ATP5MG: variants seen among roughly 807,000 people sequenced by gnomAD.
ATP5MG encodes ATP synthase membrane subunit g.
In ATP5MG, 7 loss-of-function variants were observed where a neutral mutation model predicts 12.7. That is an observed-to-expected ratio of 0.55 (90% confidence interval 0.31 to 1.04). The LOEUF (loss-of-function observed/expected upper bound fraction) is 1.04, where lower values mean the gene tolerates loss of function less well. Ranked by LOEUF, ATP5MG falls within the 50% of genes least tolerant of loss-of-function variation. ATP5MG has a pLI of 0.05. For synonymous variants in ATP5MG, 53 were observed against 48.2 expected (o/e 1.10, Z -0.41); for missense variants, 116 against 126.7 (o/e 0.92, Z 0.41).
chr11:118,406,231 C>T (rs1200231961), intron 1 of ATP5MG: 5 of 152,228 alleles, frequency 3.3e-5, no homozygotes, highest in African/African-American at 1.2e-4. Flanking sequence ...TCACAACTAC[C>T]CTGGTTGTTA....
intron 1 of ATP5MG, 81 bp from the exon 2 acceptor site, chr11:118,406,856 G>T (rs1305032793): frequency 6.6e-7 from 1 of 1,520,542 alleles, no homozygotes; most frequent in South Asian, 1.2e-5. Context: ...ATAAATATTT[G>T]TGTCCAGCCC....
intron 1 of ATP5MG, chr11:118,405,614 C>T (rs1948965791): frequency 2.1e-6 from 2 of 969,172 alleles, no homozygotes; most frequent in Non-Finnish European, 2.5e-6. Flanking sequence ...AATTGATTGA[C>T]TTATACAAGA....
At chr11:118,404,761 C>G (rs1453854229) in intron 1 of ATP5MG, among the ~76,000 whole-genome samples, 1 of 152,176 alleles carries the variant, frequency 6.6e-6, no homozygotes, top group Non-Finnish European at 1.5e-5. Flanking sequence ...CTAAGCCTAT[C>G]CCATAAAGGC....
intron 1 of ATP5MG, 152 bp downstream of exon 1, chr11:118,401,869 G>A: frequency 1.1e-6 from 1 of 895,020 alleles, no homozygotes; most frequent in Non-Finnish European, 1.7e-6. Flanking sequence ...AAGCAGGTTG[G>A]CGACTCTTTT....
In ATP5MG at chr11:118,409,182, A is replaced by C. The variant is rs1440030655; in HGVS notation, c.*84A>C. 1.8e-5 allele frequency: 16 copies of C among 897,516 alleles called. No homozygotes were observed. Among genetic ancestry groups the C allele is most frequent in the Non-Finnish European group, 2.5e-5 (16 of 631,062 alleles). The allele number at this position is 897,516 out of a possible 1,614,324, so 55.6% of individuals were successfully genotyped here. A position where few individuals can be genotyped will look rare whatever the true frequency, so the allele number is the denominator to read the frequency against. ...GTGTGATCAGACTGCTATCTGAATA[A>C]AATAAGATTTGTCAAAACTCAGTGT... On this transcript the variant is annotated 3_prime_UTR_variant, in exon 3 of 3. Transcript: ENST00000300688.
chr11:118,409,140 G>T lies in ATP5MG; in HGVS notation c.*42G>T. 2.1e-6 allele frequency: 3 copies of T among 1,414,592 alleles called. No individual in the cohort carries two copies. Among genetic ancestry groups the T allele is most frequent in the Non-Finnish European group, 2.9e-6 (3 of 1,026,156 alleles). The allele number at this position is 1,414,592 out of a possible 1,614,324, so 87.6% of individuals were successfully genotyped here. ...TCTGATTATATTTGATTTATTATTT[G>T]AGTGTTGTTGGACCATGTGTGATCA... On this transcript the variant is annotated 3_prime_UTR_variant, in exon 3 of 3. Transcript: ENST00000300688.
intron 1 of ATP5MG, 25 bp downstream of exon 1, chr11:118,401,742 G>A: frequency 1.9e-6 from 3 of 1,606,750 alleles, no homozygotes; most frequent in Non-Finnish European, 2.6e-6. Context: ...AGACCGCCGA[G>A]GCGGGCACAC....
At chr11:118,405,467 A>G (rs1326823894) in intron 1 of ATP5MG, among the ~76,000 whole-genome samples, 2 of 152,156 alleles carry the variant, frequency 1.3e-5, no homozygotes, top group Non-Finnish European at 2.9e-5. Context: ...TCTCTTGTAT[A>G]CATGTAAAGC....
Position 118,401,618 on chromosome 11 carries a change from T to C in ATP5MG, c.-48T>C, listed in dbSNP as rs782093971. Reference sequence around the variant, plus strand: ...TCCTGCAGCGGGTCCTTCCGGCGGGTGACATTCAGCCGGCGGTTCGGGGCG... The same window carrying C: ...TCCTGCAGCGGGTCCTTCCGGCGGGCGACATTCAGCCGGCGGTTCGGGGCG... On this transcript the variant is annotated 5_prime_UTR_variant, in exon 1 of 3. Coordinates refer to ENST00000300688, the MANE Select transcript of ATP5MG (RefSeq NM_006476.5). The C allele has an allele frequency of 1.9e-6, 3 of 1,606,792 alleles. No individual in the cohort carries two copies. The highest frequency in any genetic ancestry group is 2.5e-6 in the Non-Finnish European group (3 of 1,176,502).
At chr11:118,407,277 A>T in intron 2 of ATP5MG, 180 bp downstream of exon 2, 4 of 921,490 alleles carry the variant, frequency 4.3e-6, no homozygotes, top group Non-Finnish European at 6.3e-6. Flanking sequence ...CTGGGTAGAA[A>T]TAATTAGCCC....
intron 1 of ATP5MG, among the ~76,000 whole-genome samples, chr11:118,402,594 A>G (rs942120661): frequency 2.0e-5 from 3 of 152,078 alleles, no homozygotes; most frequent in African/African-American, 7.2e-5. Context: ...GCCTACGTTT[A>G]TGAAATGTGA....
chr11:118,408,823 A>G lies in ATP5MG; in HGVS notation c.214-177A>G, dbSNP rs1239841693. Among the ~76,000 whole-genome samples the G allele has an allele frequency of 2.6e-5, 4 of 152,016 alleles. No individual in the cohort carries two copies. In the East Asian group the frequency reaches 7.7e-4, roughly 29 times the overall value. On this transcript the variant is annotated intron_variant, in intron 2 of 2. Transcript: ENST00000300688. ...AAAGTTCAAGGGTTCTCAGCAGTTG[A>G]AGAGAAGTAATGTTAGTAATTCTCA...
Position 118,409,082 on chromosome 11 carries a change from T to C in ATP5MG, c.296T>C (p.Ile99Thr). 1.2e-6 allele frequency: 2 copies of C among 1,607,366 alleles called. No individual in the cohort carries two copies. The highest frequency in any genetic ancestry group is 1.7e-6 in the Non-Finnish European group (2 of 1,176,498). Residue 99 changes from isoleucine to threonine, a missense_variant, in exon 3 of 3, where the codon ATT (isoleucine) becomes ACT (threonine). By Grantham distance (89) the Ile-to-Thr change is moderately conservative (BLOSUM62 -1). Coordinates refer to ENST00000300688, the MANE Select transcript of ATP5MG (RefSeq NM_006476.5). ...GAGATTATAGGCAAGCGGGGCATCA[T>C]TGGCTATGATGTTTGAAGACCAATC... is the stretch of plus-strand genomic sequence containing the variant. ...VGEIIGKRGI[I>T]GYDV
intron 1 of ATP5MG, chr11:118,406,719 C>T: frequency 1.7e-6 from 1 of 602,112 alleles, no homozygotes; most frequent in East Asian, 3.1e-5. Flanking sequence ...TAGCATCCTG[C>T]CTGATTGAAC....
At chr11:118,406,827 G>T (rs1217566655) in intron 1 of ATP5MG, 110 bp from the exon 2 acceptor site, 1 of 1,466,024 alleles carries the variant, frequency 6.8e-7, no homozygotes, top group African/African-American at 1.4e-5. Context: ...TACAAGCAGT[G>T]AATGAAGGTG....
rs782802669 is a variant in ATP5MG at position 118,406,988 on chromosome 11, A to G, written c.104A>G (p.Lys35Arg). 16 of 1,613,968 alleles carry G rather than the reference A, an allele frequency of 9.9e-6. No homozygotes were observed. The highest frequency in any genetic ancestry group is 4.0e-5 in the African/African-American group (3 of 74,926). The change falls in exon 2 of 3, where the codon AAG becomes AGG. Residue 35 changes from lysine (K) to arginine (R), a missense_variant. Transcript: ENST00000300688. ...PRLATFWYYA[K>R]VELVPPTPAE... ...TTGGCCACATTTTGGTACTACGCCA[A>G]GGTTGAGCTGGTTCCTCCCACCCCT...
chr11:118,405,556 AT>A (rs563946825), intron 1 of ATP5MG: 3,734 of 611,966 alleles, frequency 6.1e-3, no homozygotes, highest in Non-Finnish European at 6.5e-3. Flanking sequence ...ATACTGATTC[AT>A]TTTTTTTTTA....
chr11:118,404,265 A>G (rs1948954361), intron 1 of ATP5MG, among the ~76,000 whole-genome samples: 2 of 152,218 alleles, frequency 1.3e-5, no homozygotes, highest in South Asian at 4.1e-4. Context: ...TTGCCTAGGA[A>G]GATCATAGAA....
chr11:118,408,148 C>T (rs1948988847), intron 2 of ATP5MG, among the ~76,000 whole-genome samples: 1 of 151,792 alleles, frequency 6.6e-6, no homozygotes, highest in Non-Finnish European at 1.5e-5. Context: ...GGTGACAGAG[C>T]GAGACTCCAT....
Sources: allele counts gnomAD v4.1 joint callset (sites outside exome capture counted in the v4.1 genomes callset), GRCh38; gene constraint gnomAD v4.1.1; transcripts MANE v1.5; gene names NCBI Gene and HGNC (gene_info 2026-07-23, HGNC 2026-07-21).